Variants in AGBL4 observed in about 807,000 individuals in gnomAD.
The protein encoded by AGBL4 is cytosolic carboxypeptidase 6.
In AGBL4, 58 loss-of-function variants were observed where a neutral mutation model predicts 66.4. The observed-to-expected ratio is 0.87, with a 90% CI of 0.71 to 1.09. AGBL4 has a LOEUF of 1.09. Among genes scored for constraint, AGBL4 ranks in the 50% least tolerant of loss-of-function variants. The pLI, the probability that AGBL4 is intolerant of heterozygous loss-of-function variation, is 0.00. For missense variants in AGBL4, 579 were observed against 631.0 expected, an observed-to-expected ratio of 0.92 and a Z score of 0.88; for synonymous variants, 234 against 222.9, an observed-to-expected ratio of 1.05 and a Z score of -0.44.
intron 5 of AGBL4, among the ~76,000 whole-genome samples, chr1:48,880,381 G>A (rs1392533258): frequency 6.6e-6 from 1 of 152,076 alleles, no homozygotes; most frequent in East Asian, 1.9e-4. Context: ...GGTCATTTGG[G>A]TTGGTGCCTC....
chr1:49,558,266 G>T (rs1401458645), intron 3 of AGBL4, among the ~76,000 whole-genome samples: 1 of 152,082 alleles, frequency 6.6e-6, no homozygotes, highest in Admixed American at 6.6e-5. Flanking sequence ...AGGGGACTTT[G>T]CCTTGAACCT....
chr1:49,973,507 C>T (rs376774082), intron 1 of AGBL4, among the ~76,000 whole-genome samples: 21 of 151,114 alleles, frequency 1.4e-4, no homozygotes, highest in Admixed American at 1.1e-3. Context: ...TTAGAGTATA[C>T]GTGTAAGAGT....
At chr1:48,875,661 C>A (rs182995174) in intron 5 of AGBL4, among the ~76,000 whole-genome samples, 281 of 152,242 alleles carry the variant, frequency 1.8e-3, no homozygotes, top group Non-Finnish European at 3.0e-3. Context: ...GCGGCCGGCA[C>A]AAAAGCAGGG....
At chr1:49,739,824 A>G (rs944482766) in intron 2 of AGBL4, among the ~76,000 whole-genome samples, 8 of 152,226 alleles carry the variant, frequency 5.3e-5, no homozygotes, top group African/African-American at 1.9e-4. Context: ...TGAAGTAAAA[A>G]TAAAATCCTT....
intron 3 of AGBL4, among the ~76,000 whole-genome samples, chr1:49,383,701 C>A (rs1269071232): frequency 6.6e-6 from 1 of 151,914 alleles, no homozygotes; most frequent in African/African-American, 2.4e-5. Flanking sequence ...TCCTAGAAAA[C>A]ATACAGGAAA....
intron 6 of AGBL4, among the ~76,000 whole-genome samples, chr1:48,863,520 G>T (rs2148820571): frequency 1.3e-5 from 2 of 152,084 alleles, no homozygotes; most frequent in East Asian, 3.9e-4. Flanking sequence ...GAAAGGCAAA[G>T]GTCCAAGGGT....
At chr1:49,357,324 C>T (rs938196301) in intron 3 of AGBL4, among the ~76,000 whole-genome samples, 3 of 152,130 alleles carry the variant, frequency 2.0e-5, no homozygotes, top group African/African-American at 7.2e-5. Flanking sequence ...TATCATAACC[C>T]TACTTCCTCA....
At chr1:48,535,820 G>A (rs1643961893) in intron 12 of AGBL4, among the ~76,000 whole-genome samples, 1 of 151,914 alleles carries the variant, frequency 6.6e-6, no homozygotes, top group South Asian at 2.1e-4. Flanking sequence ...CTTCTGCTTG[G>A]GTCTCACTTT....
intron 5 of AGBL4, among the ~76,000 whole-genome samples, chr1:48,978,951 AC>A (rs1160059231): frequency 6.6e-6 from 1 of 152,200 alleles, no homozygotes; most frequent in Non-Finnish European, 1.5e-5. Flanking sequence ...ATAATTAAAT[AC>A]CTGGCAGTAA....
chr1:48,726,903 G>A (rs1435775710), intron 6 of AGBL4, among the ~76,000 whole-genome samples: 1 of 152,242 alleles, frequency 6.6e-6, no homozygotes, highest in Non-Finnish European at 1.5e-5. Context: ...GAAACTCAGA[G>A]AGGACAGGTT....
At chr1:49,525,798 G>T (rs964383753) in intron 3 of AGBL4, among the ~76,000 whole-genome samples, 1 of 151,902 alleles carries the variant, frequency 6.6e-6, no homozygotes, top group Non-Finnish European at 1.5e-5. Flanking sequence ...ATAAACATTA[G>T]GCCTCTGCAC....
At chr1:49,829,142 G>A (rs1645590036) in intron 2 of AGBL4, among the ~76,000 whole-genome samples, 1 of 152,038 alleles carries the variant, frequency 6.6e-6, no homozygotes, top group Non-Finnish European at 1.5e-5. Context: ...AAGGGAGGCA[G>A]ACAGAAAATA....
intron 6 of AGBL4, among the ~76,000 whole-genome samples, chr1:48,713,396 T>C (rs1195993834): frequency 6.6e-6 from 1 of 152,120 alleles, no homozygotes; most frequent in Non-Finnish European, 1.5e-5. Context: ...CAATGCTGTG[T>C]AAAGCAGCTG....
Position 49,713,630 on chromosome 1 carries a change from A to G in AGBL4, c.158-16193T>C, listed in dbSNP as rs184428498. ...CATATACATATATATACACACACAT[A>G]CATAAACAGATTTTGTTGTGAAAAA... On this transcript the variant is annotated intron_variant, in intron 2 of 13. Coordinates refer to ENST00000371839, the MANE Select transcript of AGBL4 (RefSeq NM_032785.4). 3.9e-5 allele frequency among the ~76,000 whole-genome samples: 6 copies of G among 152,150 alleles called. No homozygotes were observed. In the East Asian group the frequency reaches 1.2e-3, roughly 29 times the overall value.
intron 5 of AGBL4, among the ~76,000 whole-genome samples, chr1:49,021,889 C>T (rs939843167): frequency 6.6e-6 from 1 of 152,078 alleles, no homozygotes; most frequent in Non-Finnish European, 1.5e-5. Flanking sequence ...TGGGTCCAAA[C>T]TTTGTTTCAA....
intron 3 of AGBL4, among the ~76,000 whole-genome samples, chr1:49,654,868 C>G (rs1369098117): frequency 6.6e-6 from 1 of 152,124 alleles, no homozygotes; most frequent in Non-Finnish European, 1.5e-5. Context: ...GATCTTGACT[C>G]TTTATCCAAT....
At chr1:49,442,479 AGCT>A (rs1312143058) in intron 3 of AGBL4, among the ~76,000 whole-genome samples, 1 of 152,152 alleles carries the variant, frequency 6.6e-6, no homozygotes, top group Non-Finnish European at 1.5e-5. Flanking sequence ...ATTTTCTTTT[AGCT>A]TCCACATATA....
At chr1:49,413,842 C>G (rs1184472607) in intron 3 of AGBL4, among the ~76,000 whole-genome samples, 2 of 152,126 alleles carry the variant, frequency 1.3e-5, no homozygotes, top group Non-Finnish European at 2.9e-5. Flanking sequence ...TGGCTCTTTC[C>G]CTTTCTAGTT....
intron 3 of AGBL4, among the ~76,000 whole-genome samples, chr1:49,429,850 ATTTT>A (rs1186333971): frequency 1.4e-5 from 2 of 139,666 alleles, no homozygotes; most frequent in African/African-American, 2.6e-5. Flanking sequence ...CTTTGAATAT[ATTTT>A]TTTTTTTTTT....
Sources: gnomAD v4.1 joint callset for allele counts (sites outside exome capture counted in the v4.1 genomes callset) on GRCh38, gnomAD v4.1.1 for gene constraint, MANE v1.5 for transcripts, NCBI Gene and HGNC (gene_info 2026-07-23, HGNC 2026-07-21) for gene names.